The following RAC2 variants were observed in gnomAD, a reference collection of about 807,000 sequenced individuals.
The protein encoded by RAC2 is Rac family small GTPase 2, also known as ras-related C3 botulinum toxin substrate 2.
RAC2 carries 1 observed loss-of-function variant against 24.0 expected under a neutral mutation model. The observed-to-expected ratio is 0.04, with a 90% CI of 0.01 to 0.20. The LOEUF is 0.20. Among genes scored for constraint, RAC2 ranks in the 10% least tolerant of loss-of-function variants. The pLI is 1.00. For missense variants in RAC2, 130 were observed against 259.1 expected, an observed-to-expected ratio of 0.50 and a Z score of 3.42; for synonymous variants, 114 against 106.8, an observed-to-expected ratio of 1.07 and a Z score of -0.41.
chr22:37,232,161 G>A (rs772144739), intron 3 of RAC2, among the ~76,000 whole-genome samples, 167 bp from the exon 4 acceptor site: 26 of 152,148 alleles, frequency 1.7e-4, no homozygotes, highest in Non-Finnish European at 1.9e-4. Flanking sequence ...CCTCTACCAC[G>A]AGGCTGCTGT....
intron 3 of RAC2, chr22:37,232,547 C>A: frequency 1.9e-6 from 1 of 535,536 alleles, no homozygotes; most frequent in Non-Finnish European, 3.4e-6. Flanking sequence ...CCACTGGAAA[C>A]AGGGGGTGCC....
At chr22:37,226,931 G>T in intron 5 of RAC2, 128 bp from the exon 6 acceptor site, 1 of 1,037,638 alleles carries the variant, frequency 9.6e-7, no homozygotes, top group Non-Finnish European at 1.3e-6. Context: ...CCCCTCCCAC[G>T]CCATACACCC....
At position 37,237,174 on chromosome 22, in the gene RAC2, C is replaced by G. The variant is rs968968913; in HGVS notation, c.108-4256G>C. On this transcript the variant is annotated intron_variant, in intron 2 of 6. Transcript: ENST00000249071. ...ACTGCACTCCAGCCTGGTGACACAG[C>G]GAGACTCCGTCAGGAAGGAAGGAAG... is the stretch of plus-strand genomic sequence containing the variant. Among the ~76,000 whole-genome samples, 2 of 137,060 alleles carry G rather than the reference C, an allele frequency of 1.5e-5. 1 individual carries two copies. Among genetic ancestry groups the G allele is most frequent in the South Asian group, 4.8e-4 (2 of 4,200 alleles). The allele number at this position is 137,060 out of a possible 152,430, so 89.9% of individuals were successfully genotyped here.
chr22:37,238,320 G>T (rs898686973), intron 2 of RAC2, among the ~76,000 whole-genome samples: 1 of 151,906 alleles, frequency 6.6e-6, no homozygotes, highest in Non-Finnish European at 1.5e-5. Context: ...CAATGCAGCC[G>T]CACCCTCCTA....
At chr22:37,230,938 C>T (rs1016077185) in intron 5 of RAC2, among the ~76,000 whole-genome samples, 1 of 152,214 alleles carries the variant, frequency 6.6e-6, no homozygotes, top group South Asian at 2.1e-4. Flanking sequence ...ACTACTAACA[C>T]AGAGTGCTTC....
chr22:37,225,680 C>T lies in RAC2; in HGVS notation c.*362G>A, dbSNP rs1430883393. The T allele has an allele frequency of 6.6e-6, 1 of 152,308 alleles. No homozygotes were observed. The highest frequency in any genetic ancestry group is 1.5e-5 in the Non-Finnish European group (1 of 68,116). The allele number at this position is 152,308 out of a possible 1,614,324, so 9.4% of individuals were successfully genotyped here. A position where few individuals can be genotyped will look rare whatever the true frequency, so the allele number is the denominator to read the frequency against. ...CAAGTTGTGGCAGCAACCATCTGGC[C>T]TGCAGTTTCCAGAGGGGAGTCAGGC... On this transcript the variant is annotated 3_prime_UTR_variant, in exon 7 of 7. Coordinates refer to ENST00000249071, the MANE Select transcript of RAC2 (RefSeq NM_002872.5).
chr22:37,233,069 T>G, intron 2 of RAC2, 151 bp from the exon 3 acceptor site: 6 of 689,376 alleles, frequency 8.7e-6, no homozygotes, highest in Non-Finnish European at 1.6e-5. Context: ...ATTGGGTTTC[T>G]TTATTTGTTT....
intron 3 of RAC2, chr22:37,232,307 A>G (rs1601672267): frequency 2.0e-6 from 1 of 488,610 alleles, no homozygotes; most frequent in South Asian, 2.1e-5. Flanking sequence ...GAGTTTGCCA[A>G]CGTGCACTCT....
chr22:37,242,319 G>A (rs1927423980), intron 1 of RAC2, among the ~76,000 whole-genome samples: 1 of 152,186 alleles, frequency 6.6e-6, no homozygotes, highest in Admixed American at 6.5e-5. Flanking sequence ...TGAGGCTTTG[G>A]GCAAATTACT....
intron 2 of RAC2, among the ~76,000 whole-genome samples, chr22:37,233,359 T>G (rs745888097): frequency 7.9e-5 from 12 of 152,192 alleles, no homozygotes; most frequent in Non-Finnish European, 1.3e-4. Flanking sequence ...CTCGGCCCAC[T>G]GCAAACTCTG....
At position 37,231,152 on chromosome 22, in the gene RAC2, C is replaced by A; in HGVS notation, c.448+79G>T. The A allele has an allele frequency of 6.5e-7, 1 of 1,543,364 alleles. No individual in the cohort carries two copies. Among genetic ancestry groups the A allele is most frequent in the Non-Finnish European group, 8.9e-7 (1 of 1,119,746 alleles). ...AACTGCACAGCCTGGCCCTGCAGCC[C>A]GTGTTTACAATCACACCACGAGGCC... On this transcript the variant is annotated intron_variant, in intron 5 of 6. Coordinates refer to ENST00000249071, the MANE Select transcript of RAC2 (RefSeq NM_002872.5). This position sits in a 1 kb window ranked among gnomAD's most constrained non-coding sequence, Gnocchi z 5.5.
chr22:37,241,778 C>T (rs923450792), intron 1 of RAC2, 120 bp from the exon 2 acceptor site: 5 of 858,068 alleles, frequency 5.8e-6, no homozygotes, highest in Admixed American at 3.7e-5. Context: ...TCTGGGCCTC[C>T]GTCTCCCCAT....
intron 1 of RAC2, 143 bp from the exon 2 acceptor site, chr22:37,241,801 CT>C (rs1927404570): frequency 1.4e-6 from 1 of 739,902 alleles, no homozygotes; most frequent in Non-Finnish European, 2.4e-6. Context: ...GAGATGCCCC[CT>C]GTCTGTGTTC....
At chr22:37,226,601 A>G in intron 6 of RAC2, 70 bp downstream of exon 6, 1 of 1,584,608 alleles carries the variant, frequency 6.3e-7, no homozygotes, top group Non-Finnish European at 8.6e-7. Flanking sequence ...ACTCACAGTG[A>G]ACCAAAGGCC....
chr22:37,237,377 C>T (rs1040654588), intron 2 of RAC2, among the ~76,000 whole-genome samples: 3 of 151,958 alleles, frequency 2.0e-5, no homozygotes, highest in Non-Finnish European at 4.4e-5. Flanking sequence ...GGAGGTGTCA[C>T]GGGGCAGGGA....
chr22:37,237,057 T>C (rs1305519366), intron 2 of RAC2, among the ~76,000 whole-genome samples: 1 of 151,938 alleles, frequency 6.6e-6, no homozygotes, highest in East Asian at 1.9e-4. Context: ...GGTGTGGTGG[T>C]GCATGCCTGT....
At position 37,231,650 on chromosome 22, in the gene RAC2, A is replaced by T. The variant is rs1330998154; in HGVS notation, c.289-260T>A. 3 of 604,772 alleles carry T rather than the reference A, an allele frequency of 5.0e-6. No homozygotes were observed. In the African/African-American group the frequency reaches 5.6e-5, roughly 11 times the overall value. 37.5% of individuals were successfully genotyped at this position (604,772 alleles called of 1,614,324 possible). ...TTTTGTGCAGACATAAGAAGCAAAC[A>T]TGAGGTTATGTGACAATCGGAGGCG... On this transcript the variant is annotated intron_variant, in intron 4 of 6. Transcript: ENST00000249071. The surrounding 1 kb of genome is among the most constrained non-coding windows in gnomAD (Gnocchi z 5.5).
At position 37,226,729 on chromosome 22, in the gene RAC2, C is replaced by A; in HGVS notation, c.523G>T (p.Ala175Ser). ...LKTVFDEAIRAVLCPQPTRQQ... is the reference protein window; with the variant it reads ...LKTVFDEAIRSVLCPQPTRQQ... ...CGCGTGGGCTGAGGGCACAGCACGG[C>A]CCGGATGGCCTCGTCGAACACGGTT... The change falls in exon 6 of 7, where the codon GCC becomes TCC. Residue 175 changes from alanine to serine, a missense_variant. Ala to Ser is a moderately conservative substitution (Grantham distance 99, BLOSUM62 1). Transcript: ENST00000249071. 6.2e-7 allele frequency: 1 copy of A among 1,613,164 alleles called. No homozygotes were observed. Among genetic ancestry groups the A allele is most frequent in the Non-Finnish European group, 8.5e-7 (1 of 1,179,598 alleles).
At chr22:37,235,083 G>A (rs1484131959) in intron 2 of RAC2, among the ~76,000 whole-genome samples, 1 of 152,176 alleles carries the variant, frequency 6.6e-6, no homozygotes, top group Non-Finnish European at 1.5e-5. Flanking sequence ...AATGCAGGTG[G>A]AAGGGAATTA....
Sources: gnomAD v4.1 joint callset for allele counts (sites outside exome capture counted in the v4.1 genomes callset) on GRCh38, gnomAD v4.1.1 for gene constraint, Gnocchi (gnomAD v3.1) non-coding constraint, MANE v1.5 for transcripts, NCBI Gene and HGNC (gene_info 2026-07-23, HGNC 2026-07-21) for gene names.